The following CFAP58 variants were observed in gnomAD, a reference collection of about 807,000 sequenced individuals.
The protein encoded by CFAP58 is cilia- and flagella-associated protein 58.
Under a neutral mutation model 119.5 loss-of-function variants are expected in CFAP58, and 88 were observed. The observed-to-expected ratio is 0.74, with a 90% CI of 0.62 to 0.88. CFAP58 has a LOEUF of 0.88. CFAP58 is among the 40% of genes least tolerant of loss of function. CFAP58 has a pLI of 0.00. For synonymous variants in CFAP58, 365 were observed against 366.3 expected, an observed-to-expected ratio of 1.00 and a Z score of 0.04; for missense variants, 990 against 1,021.2, an observed-to-expected ratio of 0.97 and a Z score of 0.42.
intron 15 of CFAP58, among the ~76,000 whole-genome samples, chr10:104,435,548 C>G (rs1460192158): frequency 6.6e-6 from 1 of 152,224 alleles, no homozygotes; most frequent in Non-Finnish European, 1.5e-5. Flanking sequence ...TTAGCCTCAA[C>G]CACATTTGAT....
At chr10:104,429,488 T>C (rs2012807039) in intron 15 of CFAP58, among the ~76,000 whole-genome samples, 1 of 152,228 alleles carries the variant, frequency 6.6e-6, no homozygotes, top group African/African-American at 2.4e-5. Flanking sequence ...CAGTGTCTAC[T>C]GTGGCATATC....
At chr10:104,366,098 A>AAAGC (rs1173110304) in intron 5 of CFAP58, 90 bp downstream of exon 5, 1 of 1,189,782 alleles carries the variant, frequency 8.4e-7, no homozygotes, top group East Asian at 2.7e-5. Flanking sequence ...ATTCTCTTGG[A>AAAGC]AAGCAGCAAA....
At chr10:104,397,528 C>G (rs888514222) in intron 11 of CFAP58, among the ~76,000 whole-genome samples, 2 of 152,080 alleles carry the variant, frequency 1.3e-5, no homozygotes, top group African/African-American at 4.8e-5. Flanking sequence ...CAGAGACAGA[C>G]CGTAACTAAA....
At position 104,393,442 on chromosome 10, in the gene CFAP58, G is replaced by T; in HGVS notation, c.1641G>T (p.Gln547His). 2.5e-6 allele frequency: 4 copies of T among 1,613,842 alleles called. No individual in the cohort carries two copies. The highest frequency in any genetic ancestry group is 3.4e-6 in the Non-Finnish European group (4 of 1,179,790). Reference protein sequence around the residue: ...ESALVKLHLEQQRIEKEKETL... With the variant: ...ESALVKLHLEHQRIEKEKETL... ...CACTTGTGAAGCTGCACCTGGAACA[G>T]CAGCGAATAGAAAAGGAAAAGGAAA... Residue 547 changes from glutamine (Q) to histidine (H), a missense_variant, in exon 11 of 18, where the codon CAG becomes CAT. Transcript: ENST00000369704.
intron 9 of CFAP58, chr10:104,382,086 A>T (rs1253598941): frequency 1.4e-6 from 1 of 717,396 alleles, no homozygotes; most frequent in Non-Finnish European, 2.6e-6. Context: ...TGGCCTTTGC[A>T]GGTCAGCTGC....
At chr10:104,394,622 A>T (rs1317428462) in intron 11 of CFAP58, among the ~76,000 whole-genome samples, 2 of 152,254 alleles carry the variant, frequency 1.3e-5, no homozygotes, top group Non-Finnish European at 2.9e-5. Context: ...TATTTGAGAA[A>T]CTGTAACAAA....
intron 9 of CFAP58, among the ~76,000 whole-genome samples, chr10:104,380,795 A>G (rs2011775340): frequency 6.6e-6 from 1 of 151,870 alleles, no homozygotes; most frequent in Non-Finnish European, 1.5e-5. Flanking sequence ...CTGGGAGCTT[A>G]CAAGCAGCCC....
At chr10:104,414,466 G>A (rs1244797587) in intron 15 of CFAP58, among the ~76,000 whole-genome samples, 1 of 152,094 alleles carries the variant, frequency 6.6e-6, no homozygotes, top group East Asian at 1.9e-4. Flanking sequence ...AAGGGAAAGA[G>A]GGAGGGAGGA....
chr10:104,381,831 C>CA (rs2133015026), intron 9 of CFAP58, among the ~76,000 whole-genome samples: 1 of 152,290 alleles, frequency 6.6e-6, no homozygotes, highest in South Asian at 2.1e-4. Flanking sequence ...CAGTGATCCC[C>CA]AATGGATTCT....
chr10:104,386,390 AT>A (rs148040706), intron 9 of CFAP58, among the ~76,000 whole-genome samples: 21,631 of 145,018 alleles, frequency 0.15, 1,608 homozygotes, highest in Middle Eastern at 0.29. Flanking sequence ...AAAAAAAAAA[AT>A]AAATAAATAA....
intron 2 of CFAP58, among the ~76,000 whole-genome samples, chr10:104,359,920 T>G (rs2014643870): frequency 6.6e-6 from 1 of 152,268 alleles, no homozygotes; most frequent in Non-Finnish European, 1.5e-5. Flanking sequence ...TCTGTAATCA[T>G]TTTTTAATGT....
upstream of CFAP58, chr10:104,353,065 G>A (rs1261358943): frequency 2.0e-5 from 3 of 152,108 alleles, no homozygotes; most frequent in African/African-American, 7.2e-5. Context: ...AACCAGAGAG[G>A]AGTCTTACAC....
chr10:104,447,599 C>T (rs2013129908), intron 15 of CFAP58, 99 bp from the exon 16 acceptor site: 1 of 1,449,836 alleles, frequency 6.9e-7, no homozygotes. Context: ...TGTGAAGTAG[C>T]TTGGGCCACT....
At chr10:104,423,715 G>T (rs1000839358) in intron 15 of CFAP58, among the ~76,000 whole-genome samples, 1 of 152,144 alleles carries the variant, frequency 6.6e-6, no homozygotes, top group African/African-American at 2.4e-5. Context: ...AAACAAAAGA[G>T]ATTTTCAGTG....
At chr10:104,363,853 C>T (rs1354970257) in intron 3 of CFAP58, among the ~76,000 whole-genome samples, 3 of 152,198 alleles carry the variant, frequency 2.0e-5, no homozygotes, top group South Asian at 4.1e-4. Context: ...TGCAAGTTCT[C>T]CTCTGCCTTC....
chr10:104,345,228 A>G, the CFAP58 span, among the ~76,000 whole-genome samples: 1 of 152,068 alleles, frequency 6.6e-6, no homozygotes. Context: ...TGCCTATGAG[A>G]GTTCAGTAGT....
At chr10:104,390,952 C>T (rs1319468364) in intron 9 of CFAP58, among the ~76,000 whole-genome samples, 1 of 152,104 alleles carries the variant, frequency 6.6e-6, no homozygotes, top group Non-Finnish European at 1.5e-5. Context: ...TCCCATCCCT[C>T]CTTAAGCACC....
intron 15 of CFAP58, among the ~76,000 whole-genome samples, chr10:104,408,842 T>C (rs1473451947): frequency 2.0e-5 from 3 of 152,206 alleles, no homozygotes; most frequent in African/African-American, 7.2e-5. Flanking sequence ...ATCATGCCTA[T>C]AATCCCAGCG....
intron 15 of CFAP58, among the ~76,000 whole-genome samples, chr10:104,435,419 T>G (rs191600606): frequency 1.9e-3 from 287 of 152,054 alleles, no homozygotes; most frequent in Admixed American, 3.1e-3. Flanking sequence ...GAGGTGGAGG[T>G]TGTAGTGAGC....
Sources: gnomAD v4.1 joint callset for allele counts (sites outside exome capture counted in the v4.1 genomes callset) on GRCh38, gnomAD v4.1.1 for gene constraint, MANE v1.5 for transcripts, NCBI Gene and HGNC (gene_info 2026-07-23, HGNC 2026-07-21) for gene names.